Variants in POLD3 observed in about 807,000 individuals in gnomAD.
POLD3 encodes DNA polymerase delta subunit 3.
In POLD3, 19 loss-of-function variants were observed where a neutral mutation model predicts 58.2. That is an observed-to-expected ratio of 0.33 (90% confidence interval 0.23 to 0.48). The LOEUF (loss-of-function observed/expected upper bound fraction) is 0.48. POLD3 is among the 20% of genes least tolerant of loss of function. The probability of loss-of-function intolerance (pLI) is 0.99; values close to 1 mark genes in which losing one functional copy is unlikely to be tolerated. For missense variants in POLD3, 504 were observed against 545.5 expected (o/e 0.92, Z 0.76); for synonymous variants, 172 against 193.5 (o/e 0.89, Z 0.92).
chr11:74,646,942 A>C (rs1639766249), downstream of POLD3, among the ~76,000 whole-genome samples: 1 of 152,208 alleles, frequency 6.6e-6, no homozygotes, highest in Non-Finnish European at 1.5e-5. Context: ...GGTTTCATGG[A>C]AGACAATTTT....
At chr11:74,608,490 T>TA (rs748372762) in intron 3 of POLD3, among the ~76,000 whole-genome samples, 1 of 152,184 alleles carries the variant, frequency 6.6e-6, no homozygotes, top group East Asian at 1.9e-4. Context: ...TTTTCCCTGT[T>TA]ATGCTAAGAA....
chr11:74,646,778 G>A (rs560821542), downstream of POLD3, among the ~76,000 whole-genome samples: 9 of 152,290 alleles, frequency 5.9e-5, no homozygotes, highest in Admixed American at 1.3e-4. Flanking sequence ...CTTGCAAGTG[G>A]GTTAGGCCAG....
At chr11:74,611,363 A>T (rs2031905178) in intron 3 of POLD3, 136 bp from the exon 4 acceptor site, 4 of 601,698 alleles carry the variant, frequency 6.6e-6, no homozygotes, top group Non-Finnish European at 1.2e-5. Flanking sequence ...TGACTTTATT[A>T]AATTATAACA....
chr11:74,629,153 A>G, intron 8 of POLD3, 64 bp from the exon 9 acceptor site: 1 of 926,196 alleles, frequency 1.1e-6, no homozygotes, highest in Non-Finnish European at 1.7e-6. Context: ...AACCCATAAG[A>G]GCATGTGAAT....
chr11:74,646,840 G>A (rs2033004640), downstream of POLD3, among the ~76,000 whole-genome samples: 1 of 152,174 alleles, frequency 6.6e-6, no homozygotes, highest in Non-Finnish European at 1.5e-5. Context: ...AGGATACTTG[G>A]TTTCAAGCTT....
intron 5 of POLD3, 31 bp from the exon 6 acceptor site, chr11:74,618,506 C>CA: frequency 6.5e-7 from 1 of 1,549,342 alleles, no homozygotes; most frequent in Admixed American, 1.8e-5. Context: ...CATATGCTGA[C>CA]ATTAACTTAA....
chr11:74,629,390 A>G (rs957617280), intron 9 of POLD3, 67 bp downstream of exon 9: 1 of 830,072 alleles, frequency 1.2e-6, no homozygotes, highest in Non-Finnish European at 2.0e-6. Context: ...GGAGCTAAAA[A>G]AGTAATGGAT....
intron 4 of POLD3, among the ~76,000 whole-genome samples, chr11:74,663,244 AG>A (rs2033226670): frequency 6.6e-6 from 1 of 152,210 alleles, no homozygotes. Context: ...AAATTAATGG[AG>A]TAATATACCA....
intron 3 of POLD3, among the ~76,000 whole-genome samples, chr11:74,605,882 G>A (rs2031657052): frequency 2.0e-5 from 3 of 152,076 alleles, no homozygotes; most frequent in Admixed American, 2.0e-4. Flanking sequence ...CCAGGAGTTC[G>A]AGACCAACCT....
At position 74,642,214 on chromosome 11, in the gene POLD3, A is replaced by G; in HGVS notation, c.*1448A>G. ...TTAGCAACCAAGCATGAACTTGATT[A>G]AGACCAGAAGTTTGGGAGATGAGTC... is the stretch of plus-strand genomic sequence containing the variant. On this transcript the variant is annotated 3_prime_UTR_variant, in exon 12 of 12. Coordinates refer to ENST00000263681, the MANE Select transcript of POLD3 (RefSeq NM_006591.3). The G allele has an allele frequency of 1.0e-6, 1 of 985,478 alleles. No homozygotes were observed. Among genetic ancestry groups the G allele is most frequent in the Non-Finnish European group, 1.2e-6 (1 of 829,942 alleles). The allele number at this position is 985,478 out of a possible 1,614,324, so 61.0% of individuals were successfully genotyped here.
chr11:74,636,224 C>T lies in POLD3; in HGVS notation c.1147C>T (p.Arg383Ter), dbSNP rs761391963. 3.7e-6 allele frequency: 6 copies of T among 1,610,378 alleles called. No homozygotes were observed. Among genetic ancestry groups the T allele is most frequent in the South Asian group, 1.1e-5 (1 of 90,996 alleles). Residue 383 changes from arginine (R) to a stop codon, truncating the protein, a stop_gained, in exon 11 of 12, where the codon CGA becomes TGA. Coordinates refer to ENST00000263681, the MANE Select transcript of POLD3 (RefSeq NM_006591.3). LOFTEE classifies it high-confidence loss of function. ...KSSSGENKRK[R>*]KRVLKSKTYL... is the part of the protein sequence containing the mutation. ...CTCAAGTGGAGAAAACAAAAGAAAA[C>T]GAAAACGCGTACTAAAATCTAAAAC... is the stretch of plus-strand genomic sequence containing the variant.
rs185061028 is a variant in POLD3 at position 74,619,873 on chromosome 11, T to C, written c.661-144T>C. 1.2e-4 allele frequency: 73 copies of C among 606,828 alleles called. No individual in the cohort carries two copies. The East Asian group carries it at 1.9e-3, about 15-fold the overall frequency. The allele number at this position is 606,828 out of a possible 1,614,324, so 37.6% of individuals were successfully genotyped here. Reference sequence around the variant, plus strand: ...GATTATTGTTCTAGATTTGTTCTTATATCTAACACCTACGCGTTTTGGCAT... The same window carrying C: ...GATTATTGTTCTAGATTTGTTCTTACATCTAACACCTACGCGTTTTGGCAT... On this transcript the variant is annotated intron_variant, in intron 6 of 11. Coordinates refer to ENST00000263681, the MANE Select transcript of POLD3 (RefSeq NM_006591.3).
At chr11:74,619,220 A>T (rs1035023239) in intron 6 of POLD3, among the ~76,000 whole-genome samples, 2 of 152,094 alleles carry the variant, frequency 1.3e-5, no homozygotes, top group Non-Finnish European at 2.9e-5. Flanking sequence ...TACTTTATGC[A>T]GGTTTTTTTG....
chr11:74,634,346 T>C (rs189312553), intron 9 of POLD3, among the ~76,000 whole-genome samples: 1 of 152,286 alleles, frequency 6.6e-6, no homozygotes, highest in Non-Finnish European at 1.5e-5. Context: ...TAAAAGAAAA[T>C]ATTTAGCTAA....
At chr11:74,636,024 C>T (rs549235079) in intron 10 of POLD3, among the ~76,000 whole-genome samples, 173 bp from the exon 11 acceptor site, 53 of 152,292 alleles carry the variant, frequency 3.5e-4, no homozygotes, top group Non-Finnish European at 1.0e-4. Context: ...ATATAGTGGG[C>T]GTAACTTGTC....
intron 4 of POLD3, among the ~76,000 whole-genome samples, chr11:74,661,857 T>C (rs1243845025): frequency 6.6e-6 from 1 of 152,210 alleles, no homozygotes; most frequent in African/African-American, 2.4e-5. Context: ...TAAATCTACC[T>C]TGTGCTCTAT....
chr11:74,623,965 G>C (rs926962885), intron 7 of POLD3, among the ~76,000 whole-genome samples: 2 of 152,174 alleles, frequency 1.3e-5, no homozygotes, highest in Non-Finnish European at 2.9e-5. Context: ...TCTAATGTTT[G>C]ATCAGTGGCA....
At chr11:74,599,470 T>C (rs2031404951) in intron 2 of POLD3, among the ~76,000 whole-genome samples, 1 of 151,628 alleles carries the variant, frequency 6.6e-6, no homozygotes, top group South Asian at 2.1e-4. Flanking sequence ...GTTCAAACGA[T>C]TCTCCTGCTT....
intron 8 of POLD3, among the ~76,000 whole-genome samples, chr11:74,627,052 T>C (rs570138558): frequency 6.6e-6 from 1 of 152,302 alleles, no homozygotes; most frequent in South Asian, 2.1e-4. Flanking sequence ...AGGGTAGTCT[T>C]TCTACTTATA....
Sources: gnomAD v4.1 joint callset for allele counts (sites outside exome capture counted in the v4.1 genomes callset) on GRCh38, gnomAD v4.1.1 for gene constraint, MANE v1.5 for transcripts, NCBI Gene and HGNC (gene_info 2026-07-23, HGNC 2026-07-21) for gene names.